The following FOXO1 variants were observed in gnomAD, a reference collection of about 807,000 sequenced individuals.
The protein encoded by FOXO1 is forkhead box protein O1.
In FOXO1, 6 loss-of-function variants were observed where a neutral mutation model predicts 44.1. The ratio of observed to expected loss-of-function variants is 0.14; its 90% confidence interval spans 0.07 to 0.27. The LOEUF (loss-of-function observed/expected upper bound fraction) is 0.27, where lower values mean the gene tolerates loss of function less well. FOXO1 is among the 10% of genes least tolerant of loss of function. The probability of loss-of-function intolerance (pLI) is 1.00; values close to 1 mark genes in which losing one functional copy is unlikely to be tolerated. For synonymous variants in FOXO1, 380 were observed against 362.7 expected (o/e 1.05, Z -0.54); for missense variants, 737 against 888.8 (o/e 0.83, Z 2.17).
At chr13:40,656,903 T>C (rs552208561) in intron 1 of FOXO1, among the ~76,000 whole-genome samples, 1 of 151,830 alleles carries the variant, frequency 6.6e-6, no homozygotes, top group East Asian at 1.9e-4. Flanking sequence ...CGATCCAGGC[T>C]CACTGTAAGC....
chr13:40,661,338 T>C (rs1356859019), intron 1 of FOXO1, among the ~76,000 whole-genome samples: 1 of 151,994 alleles, frequency 6.6e-6, no homozygotes, highest in Non-Finnish European at 1.5e-5. Flanking sequence ...GTCAGTGACG[T>C]GATCTCGGCT....
At position 40,666,096 on chromosome 13, in the gene FOXO1, G is replaced by A. The variant is rs1030781063; in HGVS notation, c.117C>T (p.Thr39=). The A allele has an allele frequency of 5.0e-6, 7 of 1,392,916 alleles. No individual in the cohort carries two copies. The African/African-American group carries it at 7.5e-5, about 15-fold the overall frequency. The allele number at this position is 1,392,916 out of a possible 1,614,324, so 86.3% of individuals were successfully genotyped here. The change falls in exon 1 of 3, where the codon ACC becomes ACT. Residue 39 remains threonine, a synonymous_variant. Transcript: ENST00000379561. ...RPEFSQSNSA[T]SSPAPSGSAA... ...CGCTGCCCGACGGCGCCGGGCTGGA[G>A]GTGGCCGAGTTGGACTGGCTAAACT...
intron 1 of FOXO1, among the ~76,000 whole-genome samples, chr13:40,659,419 G>C (rs1877966874): frequency 6.7e-6 from 1 of 149,580 alleles, no homozygotes; most frequent in African/African-American, 2.4e-5. Flanking sequence ...ACAAAAACCA[G>C]AATTGGGGGC....
At position 40,659,572 on chromosome 13, in the gene FOXO1, T is replaced by G. The variant is rs572488059; in HGVS notation, c.630+6011A>C. Among the ~76,000 whole-genome samples, 4 of 151,964 alleles carry G rather than the reference T, an allele frequency of 2.6e-5. No homozygotes were observed. The South Asian group carries it at 8.3e-4, about 32-fold the overall frequency. On this transcript the variant is annotated intron_variant, in intron 1 of 2. Coordinates refer to ENST00000379561, the MANE Select transcript of FOXO1 (RefSeq NM_002015.4). Reference sequence around the variant, plus strand: ...GGTAAAAATTCACTAAATTGTATGATGAGGAGCTGCAGATTTACCTTTTTA... The same window carrying G: ...GGTAAAAATTCACTAAATTGTATGAGGAGGAGCTGCAGATTTACCTTTTTA...
chr13:40,590,212 A>G (rs1875316756), intron 1 of FOXO1, among the ~76,000 whole-genome samples: 1 of 152,218 alleles, frequency 6.6e-6, no homozygotes, highest in Admixed American at 6.5e-5. Context: ...CCATTCAGAT[A>G]AACAAGAAAC....
At chr13:40,629,028 T>C (rs1028628522) in intron 1 of FOXO1, among the ~76,000 whole-genome samples, 7 of 152,256 alleles carry the variant, frequency 4.6e-5, no homozygotes, top group African/African-American at 1.7e-4. Context: ...CAAAGCCTTG[T>C]TCATTCATCC....
At chr13:40,607,652 C>T (rs1472044805) in intron 1 of FOXO1, among the ~76,000 whole-genome samples, 3 of 152,220 alleles carry the variant, frequency 2.0e-5, no homozygotes, top group African/African-American at 7.2e-5. Flanking sequence ...ATAGGTAATA[C>T]ATCTCTATAC....
intron 1 of FOXO1, among the ~76,000 whole-genome samples, chr13:40,640,502 C>T (rs1877312064): frequency 6.6e-6 from 1 of 152,188 alleles, no homozygotes; most frequent in East Asian, 1.9e-4. Context: ...GCTTTAGCAT[C>T]CCCCAAGCCC....
chr13:40,617,583 C>T (rs2137898007), intron 1 of FOXO1, among the ~76,000 whole-genome samples: 1 of 152,144 alleles, frequency 6.6e-6, no homozygotes, highest in Non-Finnish European at 1.5e-5. Flanking sequence ...TCAGTCTCAT[C>T]TAATAGAGAC....
In FOXO1 at chr13:40,555,705, C is replaced by CA. The variant is rs1873717690; in HGVS notation, c.*3343dup. ...TTAACTCAAGTATTTAATAGCTTCA[C>CA]AAAAAATTCCTAATAAAGAGCTTAT... On this transcript the variant is annotated 3_prime_UTR_variant, in exon 3 of 3. Transcript: ENST00000379561. 1 of 152,600 alleles carries CA rather than the reference C, an allele frequency of 6.6e-6. No individual in the cohort carries two copies. Among genetic ancestry groups the CA allele is most frequent in the Admixed American group, 6.5e-5 (1 of 15,284 alleles). 9.5% of individuals were successfully genotyped at this position (152,600 alleles called of 1,614,324 possible).
intron 1 of FOXO1, among the ~76,000 whole-genome samples, chr13:40,640,672 TA>T (rs76682036): frequency 0.055 from 8,395 of 152,292 alleles, 623 homozygotes; most frequent in East Asian, 0.39. Flanking sequence ...GTCCCTTAAC[TA>T]AAGTATCAGT....
At chr13:40,573,367 C>T (rs1029238629) in intron 1 of FOXO1, among the ~76,000 whole-genome samples, 2 of 152,192 alleles carry the variant, frequency 1.3e-5, no homozygotes, top group East Asian at 3.9e-4. Flanking sequence ...AAGATCACTC[C>T]TGGGCTAAAG....
intron 1 of FOXO1, among the ~76,000 whole-genome samples, chr13:40,582,445 C>T (rs576058777): frequency 3.9e-5 from 6 of 152,158 alleles, no homozygotes; most frequent in African/African-American, 4.8e-5. Flanking sequence ...CTTTCTTTCA[C>T]GAAAAATTTC....
intron 1 of FOXO1, among the ~76,000 whole-genome samples, chr13:40,635,080 T>C (rs1877102177): frequency 6.6e-6 from 1 of 152,200 alleles, no homozygotes; most frequent in Non-Finnish European, 1.5e-5. Flanking sequence ...TCATTTACAA[T>C]TCATAAGCAA....
intron 1 of FOXO1, among the ~76,000 whole-genome samples, chr13:40,632,935 A>G (rs1421338472): frequency 6.6e-6 from 1 of 151,896 alleles, no homozygotes; most frequent in African/African-American, 2.4e-5. Flanking sequence ...AAGGAAAAGA[A>G]AAAAAAAGGG....
chr13:40,611,715 C>T (rs1311181937), intron 1 of FOXO1, among the ~76,000 whole-genome samples: 1 of 152,166 alleles, frequency 6.6e-6, no homozygotes, highest in Non-Finnish European at 1.5e-5. Context: ...CACTCTCTCA[C>T]GAGCCCTGTT....
Position 40,666,221 on chromosome 13 carries a change from C to G in FOXO1, c.-9G>C. On this transcript the variant is annotated 5_prime_UTR_variant, in exon 1 of 3. Coordinates refer to ENST00000379561, the MANE Select transcript of FOXO1 (RefSeq NM_002015.4). ...TGAGGCGCCTCGGCCATGGTGACCC[C>G]CGCCCCTCCCCCAGCCGCAGGAGAG... is the stretch of plus-strand genomic sequence containing the variant. 1 of 1,401,142 alleles carries G rather than the reference C, an allele frequency of 7.1e-7. No homozygotes were observed. The highest frequency in any genetic ancestry group is 3.1e-5 in the East Asian group (1 of 32,698). The allele number at this position is 1,401,142 out of a possible 1,614,324, so 86.8% of individuals were successfully genotyped here. A position where few individuals can be genotyped will look rare whatever the true frequency, so the allele number is the denominator to read the frequency against.
In FOXO1 at chr13:40,560,861, C is replaced by A; in HGVS notation, c.631-1G>T. The A allele has an allele frequency of 6.3e-7, 1 of 1,594,866 alleles. No homozygotes were observed. The highest frequency in any genetic ancestry group is 8.5e-7 in the Non-Finnish European group (1 of 1,171,434). On this transcript the variant is annotated splice_acceptor_variant, in intron 1 of 2. Coordinates refer to ENST00000379561, the MANE Select transcript of FOXO1 (RefSeq NM_002015.4). LOFTEE classifies it high-confidence loss of function. The surrounding 1 kb of genome is among the most constrained non-coding windows in gnomAD (Gnocchi z 5.1). ...GGGACAGATTATGACGAATTGAATTCTGTAAGGCAAAACATCTTATTAGAA... is the reference window on the plus strand; with the variant it reads ...GGGACAGATTATGACGAATTGAATTATGTAAGGCAAAACATCTTATTAGAA...
Position 40,657,319 on chromosome 13 carries a change from C to CTT in FOXO1, c.630+8262_630+8263dup, listed in dbSNP as rs369503666. ...GGAACAATCTCCCATCCTTTTTTTT[C>CTT]TTTTTTTTTTTTTTTTGAGATGGGA... On this transcript the variant is annotated intron_variant, in intron 1 of 2. Coordinates refer to ENST00000379561, the MANE Select transcript of FOXO1 (RefSeq NM_002015.4). Among the ~76,000 whole-genome samples the CTT allele has an allele frequency of 4.8e-3, 617 of 127,770 alleles. 7 individuals carry two copies. Among genetic ancestry groups the CTT allele is most frequent in the South Asian group, 0.011 (44 of 4,002 alleles). The allele number at this position is 127,770 out of a possible 152,430, so 83.8% of individuals were successfully genotyped here.
Sources: gnomAD v4.1 joint callset for allele counts (sites outside exome capture counted in the v4.1 genomes callset) on GRCh38, gnomAD v4.1.1 for gene constraint, Gnocchi (gnomAD v3.1) non-coding constraint, MANE v1.5 for transcripts, NCBI Gene and HGNC (gene_info 2026-07-23, HGNC 2026-07-21) for gene names.